Variants in TDG observed in about 807,000 individuals in gnomAD.
TDG encodes the protein G/T mismatch-specific thymine DNA glycosylase.
Under a neutral mutation model 46.1 loss-of-function variants are expected in TDG, and 23 were observed. The observed-to-expected ratio is 0.50, with a 90% CI of 0.36 to 0.71. The LOEUF is 0.71. Ranked by LOEUF, TDG falls within the 30% of genes least tolerant of loss-of-function variation. The pLI, the probability that TDG is intolerant of heterozygous loss-of-function variation, is 0.00. For missense variants in TDG, 304 were observed against 486.7 expected (o/e 0.62, Z 3.53); for synonymous variants, 115 against 161.3 (o/e 0.71, Z 2.18).
chr12:103,982,621 T>C (rs1871899147), intron 4 of TDG, among the ~76,000 whole-genome samples, 178 bp from the exon 5 acceptor site: 1 of 151,746 alleles, frequency 6.6e-6, no homozygotes. Context: ...AAAAATTAGC[T>C]GGGCGTGGTG....
chr12:103,985,166 T>TACACAC lies in TDG; in HGVS notation c.964+284_964+289dup, dbSNP rs375705839. 3.9e-3 allele frequency among the ~76,000 whole-genome samples: 547 copies of TACACAC among 138,536 alleles called. 7 individuals carry two copies. The highest frequency in any genetic ancestry group is 0.012 in the African/African-American group (466 of 38,062). The allele number at this position is 138,536 out of a possible 152,430, so 90.9% of individuals were successfully genotyped here. On this transcript the variant is annotated intron_variant, in intron 8 of 9. Coordinates refer to ENST00000392872, the MANE Select transcript of TDG (RefSeq NM_003211.6). ...ATGTGTGTGTCTATATATAGACACA[T>TACACAC]ACACACACACACACACACACACACA...
intron 1 of TDG, among the ~76,000 whole-genome samples, chr12:103,967,353 A>T (rs1292989810): frequency 6.6e-6 from 1 of 152,196 alleles, no homozygotes; most frequent in African/African-American, 2.4e-5. Flanking sequence ...TAATCTTCTG[A>T]AATGACTCAG....
At chr12:103,986,069 G>A (rs1566184913) in intron 9 of TDG, among the ~76,000 whole-genome samples, 3 of 152,064 alleles carry the variant, frequency 2.0e-5, no homozygotes, top group East Asian at 1.9e-4. Flanking sequence ...ACAGGCATCC[G>A]CCACGATGCC....
chr12:103,983,510 G>A lies in TDG; in HGVS notation c.792+121G>A, dbSNP rs1871968292. The A allele has an allele frequency of 4.9e-6, 3 of 618,290 alleles. No individual in the cohort carries two copies. The South Asian group carries it at 8.3e-5, about 17-fold the overall frequency. 38.3% of individuals were successfully genotyped at this position (618,290 alleles called of 1,614,324 possible). A position where few individuals can be genotyped will look rare whatever the true frequency, so the allele number is the denominator to read the frequency against. ...CAAAACAATTACACTGTATTTTGTT[G>A]AATAATACCTATACATCAGCTTTAA... On this transcript the variant is annotated intron_variant, in intron 7 of 9. Transcript: ENST00000392872.
At chr12:103,986,887 C>G in intron 9 of TDG, 61 bp from the exon 10 acceptor site, 1 of 1,582,810 alleles carries the variant, frequency 6.3e-7, no homozygotes, top group Admixed American at 1.7e-5. Flanking sequence ...CCAGTCTCTA[C>G]TTTAAAAAAA....
chr12:103,985,072 T>C (rs61937632), intron 8 of TDG, 152 bp downstream of exon 8: 1 of 396,562 alleles, frequency 2.5e-6, no homozygotes, highest in Non-Finnish European at 4.2e-6. Flanking sequence ...TGTGTATATA[T>C]ACATATATAC....
chr12:103,965,937 C>G lies in TDG; in HGVS notation c.-101C>G, dbSNP rs1477615046. On this transcript the variant is annotated 5_prime_UTR_variant, in exon 1 of 10. Coordinates refer to ENST00000392872, the MANE Select transcript of TDG (RefSeq NM_003211.6). Reference sequence around the variant, plus strand: ...GTACTGCCAGCCATCGGGCCCAGGTCTCTGGGGTTGTCTTACCGCAGTGAG... The same window carrying G: ...GTACTGCCAGCCATCGGGCCCAGGTGTCTGGGGTTGTCTTACCGCAGTGAG... 5.3e-6 allele frequency: 8 copies of G among 1,501,336 alleles called. No homozygotes were observed. The highest frequency in any genetic ancestry group is 7.2e-6 in the Non-Finnish European group (8 of 1,113,546). The allele number at this position is 1,501,336 out of a possible 1,614,324, so 93.0% of individuals were successfully genotyped here.
intron 9 of TDG, among the ~76,000 whole-genome samples, chr12:103,986,045 G>T (rs1454635037): frequency 6.6e-6 from 1 of 151,914 alleles, no homozygotes. Flanking sequence ...TCAGCCTCCC[G>T]AGTAGCTGGG....
At chr12:103,973,274 A>G (rs1871363275) in intron 1 of TDG, among the ~76,000 whole-genome samples, 3 of 151,956 alleles carry the variant, frequency 2.0e-5, no homozygotes, top group African/African-American at 7.2e-5. Context: ...TAGTAGAGAC[A>G]GGGTTTCTGC....
At chr12:103,982,240 A>G (rs1382779395) in intron 4 of TDG, among the ~76,000 whole-genome samples, 1 of 152,178 alleles carries the variant, frequency 6.6e-6, no homozygotes, top group Non-Finnish European at 1.5e-5. Context: ...TGTCCCTATT[A>G]TTTTAAAAAA....
chr12:103,981,845 A>G (rs539148254), intron 4 of TDG, among the ~76,000 whole-genome samples: 86 of 152,274 alleles, frequency 5.6e-4, no homozygotes, highest in African/African-American at 2.1e-3. Context: ...TCTCATTTCT[A>G]CAAAAAAATA....
chr12:103,986,770 AGT>A, intron 9 of TDG, 176 bp from the exon 10 acceptor site: 1 of 578,162 alleles, frequency 1.7e-6, no homozygotes, highest in Non-Finnish European at 3.0e-6. Context: ...CTGTAATCCC[AGT>A]GCTTTGAGAG....
rs1456710243 is a variant in TDG at position 103,988,007 on chromosome 12, A to G, written c.*917A>G. 3.9e-5 allele frequency: 6 copies of G among 152,830 alleles called. No homozygotes were observed. Among genetic ancestry groups the G allele is most frequent in the East Asian group, 1.9e-4 (1 of 5,194 alleles). 9.5% of individuals were successfully genotyped at this position (152,830 alleles called of 1,614,324 possible). ...CATGAGATGTACTAAAATAAGTAAT[A>G]TAGAATTTTTCTTGCTAGGTAAATC... is the stretch of plus-strand genomic sequence containing the variant. On this transcript the variant is annotated 3_prime_UTR_variant, in exon 10 of 10. Coordinates refer to ENST00000392872, the MANE Select transcript of TDG (RefSeq NM_003211.6).
chr12:103,980,225 A>G (rs1871757946), intron 3 of TDG, 153 bp downstream of exon 3: 2 of 1,079,382 alleles, frequency 1.9e-6, no homozygotes, highest in South Asian at 3.3e-5. Flanking sequence ...GTTGTGTTAT[A>G]TGAGAGTGTT....
chr12:103,978,606 C>T (rs1188051098), intron 2 of TDG, among the ~76,000 whole-genome samples: 3 of 152,190 alleles, frequency 2.0e-5, no homozygotes, highest in South Asian at 2.1e-4. Flanking sequence ...CTGTATCCTG[C>T]GAGGCTTGAT....
Position 103,978,925 on chromosome 12 carries a change from G to T in TDG, c.167-906G>T, listed in dbSNP as rs947109776. ...TGCAACCTAAAATGTCAATAGTGTG[G>T]AGGCTGAGAAACTGCTTTACGTCCT... is the stretch of plus-strand genomic sequence containing the variant. On this transcript the variant is annotated intron_variant, in intron 2 of 9. Coordinates refer to ENST00000392872, the MANE Select transcript of TDG (RefSeq NM_003211.6). 1.1e-4 allele frequency among the ~76,000 whole-genome samples: 16 copies of T among 152,024 alleles called. 1 individual carries two copies. Among genetic ancestry groups the T allele is most frequent in the Admixed American group, 8.5e-4 (13 of 15,244 alleles).
intron 1 of TDG, chr12:103,973,085 C>CTTTTTTTTTT: frequency 6.5e-6 from 2 of 308,234 alleles, no homozygotes; most frequent in Non-Finnish European, 1.1e-5. Context: ...ACGTTTCATA[C>CTTTTTTTTTT]ATTTTTTTTT....
At position 103,970,936 on chromosome 12, in the gene TDG, A is replaced by G. The variant is rs575249314; in HGVS notation, c.23+4876A>G. On this transcript the variant is annotated intron_variant, in intron 1 of 9. Transcript: ENST00000392872. ...CAACTGTGGATTGAAATTATTTGGG[A>G]AAAAAAAAGACAAATAACAACATTA... 2.3e-4 allele frequency among the ~76,000 whole-genome samples: 34 copies of G among 151,034 alleles called. 1 individual carries two copies. The South Asian group carries it at 4.6e-3, about 20-fold the overall frequency.
intron 1 of TDG, among the ~76,000 whole-genome samples, chr12:103,970,012 C>T (rs1446375319): frequency 6.6e-6 from 1 of 152,192 alleles, no homozygotes; most frequent in Non-Finnish European, 1.5e-5. Context: ...ATACACAGAC[C>T]TCCATCTAGC....
Sources: allele counts gnomAD v4.1 joint callset (sites outside exome capture counted in the v4.1 genomes callset), GRCh38; gene constraint gnomAD v4.1.1; transcripts MANE v1.5; gene names NCBI Gene and HGNC (gene_info 2026-07-23, HGNC 2026-07-21).